The following UROC1 variants were observed in gnomAD, a reference collection of about 807,000 sequenced individuals.
UROC1 encodes urocanate hydratase.
UROC1 carries 79 observed loss-of-function variants against 89.5 expected under a neutral mutation model. The ratio of observed to expected loss-of-function variants is 0.88; its 90% CI spans 0.74 to 1.06. The LOEUF is 1.06. Ranked by LOEUF, UROC1 falls within the 50% of genes least tolerant of loss-of-function variation. The probability of loss-of-function intolerance (pLI) is 0.00; values close to 1 mark genes in which losing one functional copy is unlikely to be tolerated. For missense variants in UROC1, 885 were observed against 907.8 expected, an observed-to-expected ratio of 0.97 and a Z score of 0.32; for synonymous variants, 361 against 354.8, an observed-to-expected ratio of 1.02 and a Z score of -0.20.
In UROC1 at chr3:126,506,006, C is replaced by T. The variant is rs138206716; in HGVS notation, c.608G>A (p.Gly203Asp). 396 of 1,613,418 alleles carry T rather than the reference C, an allele frequency of 2.5e-4. No homozygotes were observed. The African/African-American group carries it at 4.5e-3, about 18-fold the overall frequency. Residue 203 changes from glycine to aspartate, a missense_variant, in exon 7 of 20, where the codon GGC becomes GAC. Transcript: ENST00000290868. ...KLFALGVTMY[G>D]QMTAGSYCYI... The stretch of plus-strand genomic sequence containing the variant: ...GCAGTAGCTACCTGCTGTCATCTGG[C>T]CGTACCTGACCACAGGGAGAGAAGC...
At chr3:126,509,474 T>G in intron 3 of UROC1, 111 bp downstream of exon 3, 1 of 1,118,054 alleles carries the variant, frequency 8.9e-7, no homozygotes, top group Non-Finnish European at 1.3e-6. Context: ...GCTTTGCAAC[T>G]TTCTGTGAAT....
intron 6 of UROC1, 59 bp downstream of exon 6, chr3:126,507,683 T>A: frequency 6.4e-7 from 1 of 1,561,232 alleles, no homozygotes; most frequent in Non-Finnish European, 8.8e-7. Context: ...CACTTTGCTT[T>A]ATAATGACCC....
intron 13 of UROC1, among the ~76,000 whole-genome samples, chr3:126,498,985 T>G (rs1013288116): frequency 1.3e-5 from 2 of 152,098 alleles, no homozygotes; most frequent in Admixed American, 1.3e-4. Context: ...CAGCAGGTGC[T>G]GGGCTTCATG....
chr3:126,503,873 C>T, intron 9 of UROC1, 122 bp downstream of exon 9: 1 of 1,032,964 alleles, frequency 9.7e-7, no homozygotes. Context: ...GTGGTGCCCA[C>T]ATGTAGCCAG....
chr3:126,517,081 A>C (rs1434945899), intron 1 of UROC1, among the ~76,000 whole-genome samples: 3 of 152,096 alleles, frequency 2.0e-5, no homozygotes, highest in Non-Finnish European at 4.4e-5. Flanking sequence ...GCAAGCGTGC[A>C]CCATCCCTGG....
intron 2 of UROC1, 99 bp from the exon 3 acceptor site, chr3:126,509,777 G>C: frequency 9.0e-7 from 1 of 1,110,846 alleles, no homozygotes; most frequent in East Asian, 2.6e-5. Context: ...AAGGATAGCC[G>C]GACACGGGGC....
At chr3:126,517,427 A>G (rs1312156648) in intron 1 of UROC1, among the ~76,000 whole-genome samples, 167 bp downstream of exon 1, 1 of 152,046 alleles carries the variant, frequency 6.6e-6, no homozygotes, top group Non-Finnish European at 1.5e-5. Context: ...TGCATCCAAG[A>G]GACAGAGTCC....
chr3:126,498,048 C>T lies in UROC1; in HGVS notation c.1438+3G>A, dbSNP rs757469842. ...CCATGGGCATCCCCACCAATGGCGT[C>T]ACCTCCATCAGCAATGGCTTCCTCC... On this transcript the variant is annotated splice_donor_region_variant and intron_variant, in intron 14 of 19. Transcript: ENST00000290868. 1 of 1,614,068 alleles carries T rather than the reference C, an allele frequency of 6.2e-7. No individual in the cohort carries two copies. Among genetic ancestry groups the T allele is most frequent in the South Asian group, 1.1e-5 (1 of 91,088 alleles).
chr3:126,489,542 T>C (rs1197162302), intron 16 of UROC1, among the ~76,000 whole-genome samples, 167 bp from the exon 17 acceptor site: 1 of 152,160 alleles, frequency 6.6e-6, no homozygotes, highest in Non-Finnish European at 1.5e-5. Context: ...TGGAATAGAT[T>C]CACGTGTGCC....
At position 126,483,435 on chromosome 3, in the gene UROC1, C is replaced by T. The variant is rs768434223; in HGVS notation, c.1824G>A (p.Val608=). The change falls in exon 19 of 20, where the codon GTG becomes GTA. Residue 608 remains valine, a synonymous_variant. Coordinates refer to ENST00000290868, the MANE Select transcript of UROC1 (RefSeq NM_144639.3). ...GEVINGGFGL[V]LDGTPEAEGR... ...CCTCGGCCTCCGGGGTACCGTCCAG[C>T]ACGAGGCCGAATCCCCCGTTGATCA... 2 of 1,613,748 alleles carry T rather than the reference C, an allele frequency of 1.2e-6. No individual in the cohort carries two copies. The highest frequency in any genetic ancestry group is 1.7e-5 in the Admixed American group (1 of 60,008).
At chr3:126,510,618 C>G in intron 2 of UROC1, 46 bp downstream of exon 2, 1 of 1,608,800 alleles carries the variant, frequency 6.2e-7, no homozygotes, top group Non-Finnish European at 8.5e-7. Flanking sequence ...CTTGCGGGAG[C>G]TGCCTGCCCC....
chr3:126,517,322 A>G (rs989871481), intron 1 of UROC1, among the ~76,000 whole-genome samples: 3 of 152,180 alleles, frequency 2.0e-5, no homozygotes, highest in Non-Finnish European at 4.4e-5. Context: ...CTCCCACTGG[A>G]GGTGGCCAAA....
In UROC1 at chr3:126,506,023, G is replaced by A. The variant is rs770270981; in HGVS notation, c.603-12C>T. ...TCATCTGGCCGTACCTGACCACAGGGAGAGAAGCCAAGCCCAGGGCTCAGC... is the reference window on the plus strand; with the variant it reads ...TCATCTGGCCGTACCTGACCACAGGAAGAGAAGCCAAGCCCAGGGCTCAGC... On this transcript the variant is annotated splice_polypyrimidine_tract_variant and intron_variant, in intron 6 of 19. Coordinates refer to ENST00000290868, the MANE Select transcript of UROC1 (RefSeq NM_144639.3). The A allele has an allele frequency of 1.2e-6, 2 of 1,613,240 alleles. No homozygotes were observed. Among genetic ancestry groups the A allele is most frequent in the African/African-American group, 1.3e-5 (1 of 74,942 alleles).
chr3:126,511,215 G>T (rs1560128203), intron 1 of UROC1, among the ~76,000 whole-genome samples: 1 of 152,138 alleles, frequency 6.6e-6, no homozygotes, highest in Non-Finnish European at 1.5e-5. Context: ...AGAAAAAGCT[G>T]TCAAAAGCAA....
rs769868539 is a variant in UROC1 at position 126,508,011 on chromosome 3, G to T, written c.496C>A (p.Pro166Thr). The T allele has an allele frequency of 1.2e-6, 2 of 1,614,054 alleles. No individual in the cohort carries two copies. Among genetic ancestry groups the T allele is most frequent in the Admixed American group, 3.3e-5 (2 of 60,032 alleles). ...MYSGHPLGLF[P>T]SSRSAPRLVI... Reference sequence around the variant, plus strand: ...AGCCGTGGGGCACTGCGGCTGCTGGGAAAGAGGCCAAGTGGGTGCCCACTG... The same window carrying T: ...AGCCGTGGGGCACTGCGGCTGCTGGTAAAGAGGCCAAGTGGGTGCCCACTG... The change falls in exon 5 of 20, where the codon CCC becomes ACC. Residue 166 changes from proline to threonine, a missense_variant. Transcript: ENST00000290868.
chr3:126,492,562 A>G (rs2107536865), intron 15 of UROC1, 46 bp from the exon 16 acceptor site: 1 of 1,507,334 alleles, frequency 6.6e-7, no homozygotes, highest in Non-Finnish European at 9.1e-7. Flanking sequence ...ATAGGCAGCA[A>G]TAACAGGACC....
intron 15 of UROC1, 79 bp downstream of exon 15, chr3:126,495,959 G>T: frequency 1.4e-6 from 2 of 1,400,166 alleles, no homozygotes; most frequent in Non-Finnish European, 2.0e-6. Context: ...CAGGCTGAGC[G>T]CCCGTCAGCA....
Position 126,482,086 on chromosome 3 carries a change from C to T in UROC1, c.*259G>A, listed in dbSNP as rs1935401452. The stretch of plus-strand genomic sequence containing the variant: ...CCCCCGGGCAGGCTTGGGACTTGGC[C>T]CTAAATGGACTTTGACAGCCTTCAG... On this transcript the variant is annotated 3_prime_UTR_variant, in exon 20 of 20. Coordinates refer to ENST00000290868, the MANE Select transcript of UROC1 (RefSeq NM_144639.3). 2 of 557,512 alleles carry T rather than the reference C, an allele frequency of 3.6e-6. No homozygotes were observed. Among genetic ancestry groups the T allele is most frequent in the Admixed American group, 3.1e-5 (1 of 31,830 alleles). The allele number at this position is 557,512 out of a possible 1,614,324, so 34.5% of individuals were successfully genotyped here.
At chr3:126,509,796 C>G in intron 2 of UROC1, 118 bp from the exon 3 acceptor site, 2 of 975,736 alleles carry the variant, frequency 2.0e-6, no homozygotes, top group Non-Finnish European at 3.2e-6. Flanking sequence ...GCCTGCAGAA[C>G]TAGCTAGGAA....
Sources: allele counts gnomAD v4.1 joint callset (sites outside exome capture counted in the v4.1 genomes callset), GRCh38; gene constraint gnomAD v4.1.1; transcripts MANE v1.5; gene names NCBI Gene and HGNC (gene_info 2026-07-23, HGNC 2026-07-21).